The following GPC3 variants were observed in gnomAD, a reference collection of about 807,000 sequenced individuals.
GPC3 encodes glypican-3.
In GPC3, 3 loss-of-function variants were observed where a neutral mutation model predicts 34.4. That is an observed-to-expected ratio of 0.09 (90% CI 0.04 to 0.23). The LOEUF (loss-of-function observed/expected upper bound fraction) is 0.23, where lower values mean the gene tolerates loss of function less well. GPC3 is among the 10% of genes least tolerant of loss of function. The probability of loss-of-function intolerance (pLI) is 1.00; values close to 1 mark genes in which losing one functional copy is unlikely to be tolerated. For missense variants in GPC3, 351 were observed against 445.6 expected (o/e 0.79, Z 1.91); for synonymous variants, 177 against 174.0 (o/e 1.02, Z -0.13).
At chrX:133,657,221 T>C (rs976080802) in intron 6 of GPC3, among the ~76,000 whole-genome samples, 2 of 112,092 alleles carry the variant, frequency 1.8e-5, no homozygotes, top group African/African-American at 6.5e-5. Flanking sequence ...CAATAAGTCC[T>C]GTAGCAGTTT....
intron 2 of GPC3, among the ~76,000 whole-genome samples, chrX:133,947,326 A>AG (rs2076373178): frequency 9.0e-6 from 1 of 111,695 alleles, no homozygotes; most frequent in African/African-American, 3.3e-5. Context: ...TGTTCAATCA[A>AG]GGGCGATGGC....
intron 7 of GPC3, among the ~76,000 whole-genome samples, chrX:133,563,814 T>C (rs1271990591): frequency 2.7e-5 from 3 of 112,136 alleles, no homozygotes; most frequent in African/African-American, 9.7e-5. Context: ...AATGTTTTAT[T>C]TAACCAAGCT....
At chrX:133,878,048 T>C (rs1482168964) in intron 2 of GPC3, among the ~76,000 whole-genome samples, 1 of 112,351 alleles carries the variant, frequency 8.9e-6, no homozygotes, top group African/African-American at 3.2e-5. Context: ...TTTAACTTAC[T>C]TTTTTTCTCT....
intron 2 of GPC3, among the ~76,000 whole-genome samples, chrX:133,896,940 T>C (rs1460538967): frequency 1.0e-5 from 1 of 100,062 alleles, no homozygotes; most frequent in African/African-American, 3.7e-5. Flanking sequence ...GGAGTCTCGC[T>C]CTGTCGCCCA....
At chrX:133,602,437 A>G (rs1011635252) in intron 6 of GPC3, among the ~76,000 whole-genome samples, 1 of 110,888 alleles carries the variant, frequency 9.0e-6, no homozygotes, top group African/African-American at 3.3e-5. Context: ...TAGGAATGGG[A>G]GCCCTATTAT....
chrX:133,724,449 G>A (rs980113826), intron 3 of GPC3, among the ~76,000 whole-genome samples: 4 of 112,179 alleles, frequency 3.6e-5, no homozygotes, highest in African/African-American at 1.3e-4. Flanking sequence ...TGGGGGCTAA[G>A]GAGGAGGCTC....
At chrX:133,889,012 A>T (rs2076074157) in intron 2 of GPC3, among the ~76,000 whole-genome samples, 1 of 112,412 alleles carries the variant, frequency 8.9e-6, no homozygotes, top group Non-Finnish European at 1.9e-5. Context: ...CACAAATCTC[A>T]CTTATGATGT....
At chrX:133,977,681 T>G in intron 1 of GPC3, among the ~76,000 whole-genome samples, 1 of 111,925 alleles carries the variant, frequency 8.9e-6, no homozygotes, top group East Asian at 2.8e-4. Context: ...GAGAAGAGTA[T>G]GCAAATAGAA....
intron 2 of GPC3, among the ~76,000 whole-genome samples, chrX:133,792,394 A>G (rs2072174644): frequency 8.9e-6 from 1 of 111,765 alleles, no homozygotes; most frequent in African/African-American, 3.3e-5. Flanking sequence ...ATAAATGGGT[A>G]TAGAATGAGA....
chrX:133,571,683 G>A (rs1448208037), intron 7 of GPC3, among the ~76,000 whole-genome samples: 1 of 111,985 alleles, frequency 8.9e-6, no homozygotes, highest in Non-Finnish European at 1.9e-5. Context: ...CCCCTCATCC[G>A]TGCTGGCTTA....
rs1219187316 is a variant in GPC3 at position 133,544,956 on chromosome X, AT to A, written c.1574-8664del. On this transcript the variant is annotated intron_variant, in intron 7 of 7. Transcript: ENST00000370818. ...GTGGCTCTCCTCCACCAGCCCCAGC[AT>A]TCTCACCACCTTCCCCAGCAGTGTC... is the stretch of plus-strand genomic sequence containing the variant. 3.6e-5 allele frequency among the ~76,000 whole-genome samples: 4 copies of A among 111,655 alleles called. No homozygotes were observed. In the Admixed American group the frequency reaches 3.8e-4, roughly 11 times the overall value.
intron 3 of GPC3, among the ~76,000 whole-genome samples, chrX:133,706,649 T>A (rs1166297543): frequency 1.8e-5 from 2 of 112,251 alleles, no homozygotes; most frequent in African/African-American, 6.5e-5. Context: ...AAAATCACAA[T>A]GAGATATCAT....
chrX:133,606,714 G>A (rs1377947438), intron 6 of GPC3, among the ~76,000 whole-genome samples: 1 of 111,464 alleles, frequency 9.0e-6, no homozygotes. Context: ...GTGAGTCACT[G>A]TGCCCAGCCA....
intron 2 of GPC3, among the ~76,000 whole-genome samples, chrX:133,906,359 G>A (rs891594347): frequency 1.8e-5 from 2 of 111,976 alleles, no homozygotes; most frequent in African/African-American, 3.2e-5. Context: ...CTACATGTAG[G>A]AGGTAAACTG....
At chrX:133,778,386 G>A (rs985208593) in intron 2 of GPC3, among the ~76,000 whole-genome samples, 5 of 111,796 alleles carry the variant, frequency 4.5e-5, no homozygotes, top group African/African-American at 1.3e-4. Flanking sequence ...GTTTATAGTT[G>A]AGTTGTTACT....
At chrX:133,727,216 T>A (rs1178354269) in intron 3 of GPC3, among the ~76,000 whole-genome samples, 1 of 111,671 alleles carries the variant, frequency 9.0e-6, no homozygotes, top group African/African-American at 3.3e-5. Context: ...CTTTATGACA[T>A]GCCAACCTTC....
chrX:133,903,445 C>T (rs1446748320), intron 2 of GPC3, among the ~76,000 whole-genome samples: 1 of 109,931 alleles, frequency 9.1e-6, no homozygotes, highest in Non-Finnish European at 1.9e-5. Flanking sequence ...AAAAATTAGC[C>T]AGGCGCAGTG....
chrX:133,823,162 A>C (rs1208821649), intron 2 of GPC3, among the ~76,000 whole-genome samples: 1 of 94,262 alleles, frequency 1.1e-5, no homozygotes, highest in Non-Finnish European at 2.2e-5. Flanking sequence ...AAAAAAAAAA[A>C]AAAACTGGCT....
At chrX:133,878,004 GC>G (rs1178898105) in intron 2 of GPC3, among the ~76,000 whole-genome samples, 1 of 110,940 alleles carries the variant, frequency 9.0e-6, no homozygotes, top group Non-Finnish European at 1.9e-5. Flanking sequence ...TTCTTTTAAA[GC>G]ATATATTGAA....
Sources: gnomAD v4.1 joint callset for allele counts (sites outside exome capture counted in the v4.1 genomes callset) on GRCh38, gnomAD v4.1.1 for gene constraint, MANE v1.5 for transcripts, NCBI Gene and HGNC (gene_info 2026-07-23, HGNC 2026-07-21) for gene names.